The following DEUP1 variants were observed in gnomAD, a reference collection of about 807,000 sequenced individuals.
The protein encoded by DEUP1 is coiled-coil domain containing 67.
Under a neutral mutation model 87.4 loss-of-function variants are expected in DEUP1, and 82 were observed. That is an observed-to-expected ratio of 0.94 (90% CI 0.78 to 1.13). DEUP1 has a LOEUF of 1.13. Ranked by LOEUF, DEUP1 falls within the 50% of genes most tolerant of loss-of-function variation. The probability of loss-of-function intolerance (pLI) is 0.00; values close to 1 mark genes in which losing one functional copy is unlikely to be tolerated. For missense variants in DEUP1, 663 were observed against 681.5 expected (o/e 0.97, Z 0.30); for synonymous variants, 214 against 222.7 (o/e 0.96, Z 0.35).
At chr11:93,431,462 A>G (rs1246149252) in intron 13 of DEUP1, among the ~76,000 whole-genome samples, 1 of 152,184 alleles carries the variant, frequency 6.6e-6, no homozygotes, top group Non-Finnish European at 1.5e-5. Context: ...TGAGGACAGT[A>G]GGTCATGGGA....
At chr11:93,352,581 C>T in intron 2 of DEUP1, 1 of 593,876 alleles carries the variant, frequency 1.7e-6, no homozygotes, top group Non-Finnish European at 3.0e-6. Context: ...ACCTGCCTGC[C>T]TTAGTTTGTT....
intron 4 of DEUP1, among the ~76,000 whole-genome samples, chr11:93,357,800 T>A (rs999759538): frequency 2.6e-5 from 4 of 152,178 alleles, no homozygotes; most frequent in Admixed American, 6.5e-5. Flanking sequence ...TGAACCTTTT[T>A]AAATACGTTT....
intron 11 of DEUP1, among the ~76,000 whole-genome samples, chr11:93,401,670 C>A (rs1398305714): frequency 2.0e-5 from 3 of 151,618 alleles, no homozygotes; most frequent in Non-Finnish European, 3.0e-5. Context: ...TCTTCGATAA[C>A]CACAATGAGA....
At chr11:93,381,526 G>A (rs914649377) in intron 7 of DEUP1, among the ~76,000 whole-genome samples, 6 of 152,102 alleles carry the variant, frequency 3.9e-5, no homozygotes, top group African/African-American at 1.4e-4. Flanking sequence ...ACCTTGAAAT[G>A]TGTCAGTATG....
intron 7 of DEUP1, among the ~76,000 whole-genome samples, chr11:93,373,580 TAC>T (rs1261149794): frequency 1.7e-4 from 25 of 145,196 alleles, no homozygotes; most frequent in Admixed American, 3.5e-4. Flanking sequence ...CATATATATA[TAC>T]ATATATATAT....
chr11:93,343,842 C>CT lies in DEUP1; in HGVS notation c.30-11521dup, dbSNP rs149094197. On this transcript the variant is annotated intron_variant, in intron 2 of 13. Coordinates refer to ENST00000298050, the MANE Select transcript of DEUP1 (RefSeq NM_181645.4). ...AGGCCTTTATAAGTACATTTAAGCACTTTTTTTTAGAATAATGAGGTTTAT... is the reference window on the plus strand; with the variant it reads ...AGGCCTTTATAAGTACATTTAAGCACTTTTTTTTTAGAATAATGAGGTTTAT... 1.6e-3 allele frequency among the ~76,000 whole-genome samples: 247 copies of CT among 151,866 alleles called. 5 individuals are homozygous for CT. The East Asian group carries it at 0.029, about 18-fold the overall frequency.
intron 2 of DEUP1, among the ~76,000 whole-genome samples, chr11:93,342,163 TG>T (rs771546774): frequency 2.6e-5 from 4 of 152,168 alleles, no homozygotes; most frequent in Non-Finnish European, 5.9e-5. Flanking sequence ...TGATTATCTT[TG>T]GGGACAATTT....
At chr11:93,333,336 A>G (rs1010123491) in intron 2 of DEUP1, among the ~76,000 whole-genome samples, 1 of 152,244 alleles carries the variant, frequency 6.6e-6, no homozygotes, top group South Asian at 2.1e-4. Context: ...AATGATTTCT[A>G]TCTCTAGGAC....
rs1441546892 is a variant in DEUP1 at position 93,369,997 on chromosome 11, AT to A, written c.433-75del. On this transcript the variant is annotated intron_variant, in intron 5 of 13. Transcript: ENST00000298050. Reference sequence around the variant, plus strand: ...TTTTTCTCAGAATGAAGATGTACAAATGAAAGAAGCCTTATTTGCTGTACTT... The same window carrying A: ...TTTTTCTCAGAATGAAGATGTACAAAGAAAGAAGCCTTATTTGCTGTACTT... 1.4e-4 allele frequency: 103 copies of A among 719,936 alleles called. 1 individual carries two copies. The highest frequency in any genetic ancestry group is 7.1e-4 in the Admixed American group (24 of 33,680). The allele number at this position is 719,936 out of a possible 1,614,324, so 44.6% of individuals were successfully genotyped here.
intron 7 of DEUP1, among the ~76,000 whole-genome samples, 156 bp downstream of exon 7, chr11:93,371,436 GATT>G (rs1247265685): frequency 2.6e-5 from 4 of 152,158 alleles, no homozygotes; most frequent in Middle Eastern, 3.4e-3. Flanking sequence ...TTGATGCGTA[GATT>G]CAATAATCCC....
chr11:93,338,118 A>G (rs956460544), intron 2 of DEUP1, among the ~76,000 whole-genome samples: 44 of 152,270 alleles, frequency 2.9e-4, no homozygotes, highest in African/African-American at 1.1e-3. Flanking sequence ...TCTCTCCCCA[A>G]AAGAAAGAAG....
chr11:93,434,659 T>A (rs1948189674), intron 13 of DEUP1, among the ~76,000 whole-genome samples: 1 of 152,148 alleles, frequency 6.6e-6, no homozygotes, highest in South Asian at 2.1e-4. Context: ...GGTAGAAGCA[T>A]TCCGCCTCTA....
chr11:93,370,266 T>C, intron 6 of DEUP1, 80 bp downstream of exon 6: 2 of 747,690 alleles, frequency 2.7e-6, no homozygotes. Context: ...GTAATCTATT[T>C]ACAAACAGAC....
intron 7 of DEUP1, among the ~76,000 whole-genome samples, chr11:93,372,153 C>T (rs1346641237): frequency 2.0e-5 from 3 of 152,056 alleles, no homozygotes; most frequent in South Asian, 2.1e-4. Flanking sequence ...TGGTCTCGAT[C>T]TCCTGACCTC....
chr11:93,409,072 G>T (rs376248950), intron 12 of DEUP1, among the ~76,000 whole-genome samples: 52 of 152,224 alleles, frequency 3.4e-4, no homozygotes, highest in African/African-American at 1.2e-3. Flanking sequence ...GGCCAGGCTG[G>T]TCTCTAACTC....
At chr11:93,398,273 C>T (rs962935774) in intron 11 of DEUP1, among the ~76,000 whole-genome samples, 2 of 152,064 alleles carry the variant, frequency 1.3e-5, no homozygotes, top group East Asian at 3.9e-4. Flanking sequence ...TGATAATATT[C>T]CATGGTGTGT....
chr11:93,431,793 A>G (rs1437762525), intron 13 of DEUP1, among the ~76,000 whole-genome samples: 1 of 152,138 alleles, frequency 6.6e-6, no homozygotes, highest in East Asian at 1.9e-4. Flanking sequence ...TGAATTGTTT[A>G]TGGGAAGTGG....
At chr11:93,388,551 G>T (rs1013199568) in intron 8 of DEUP1, among the ~76,000 whole-genome samples, 1 of 152,108 alleles carries the variant, frequency 6.6e-6, no homozygotes, top group Admixed American at 6.5e-5. Flanking sequence ...ATGTATTTGA[G>T]TACTCTCTGG....
intron 2 of DEUP1, among the ~76,000 whole-genome samples, chr11:93,338,384 T>A (rs1565289367): frequency 6.6e-6 from 1 of 151,330 alleles, no homozygotes; most frequent in African/African-American, 2.4e-5. Flanking sequence ...GTGCCTGACA[T>A]AGGGTAATTA....
Sources: gnomAD v4.1 joint callset for allele counts (sites outside exome capture counted in the v4.1 genomes callset) on GRCh38, gnomAD v4.1.1 for gene constraint, MANE v1.5 for transcripts, NCBI Gene and HGNC (gene_info 2026-07-23, HGNC 2026-07-21) for gene names.